BARD1: variants seen among roughly 807,000 people sequenced by gnomAD.
The protein encoded by BARD1 is BRCA1-associated RING domain protein 1.
Under a neutral mutation model 77.0 loss-of-function variants are expected in BARD1, and 73 were observed. The ratio of observed to expected loss-of-function variants is 0.95; its 90% CI spans 0.79 to 1.15. The LOEUF (loss-of-function observed/expected upper bound fraction) is 1.15. Ranked by LOEUF, BARD1 falls within the 50% of genes most tolerant of loss-of-function variation. The probability of loss-of-function intolerance (pLI) is 0.00; values close to 1 mark genes in which losing one functional copy is unlikely to be tolerated. For synonymous variants in BARD1, 384 were observed against 338.0 expected (o/e 1.14, Z -1.49); for missense variants, 993 against 938.8 (o/e 1.06, Z -0.75).
At chr2:214,806,756 TC>T (rs1696290781) in intron 1 of BARD1, among the ~76,000 whole-genome samples, 1 of 151,412 alleles carries the variant, frequency 6.6e-6, no homozygotes, top group South Asian at 2.1e-4. Flanking sequence ...CACCTGTAGT[TC>T]CAGCTACTCA....
intron 6 of BARD1, among the ~76,000 whole-genome samples, chr2:214,755,954 A>T (rs781141400): frequency 1.3e-5 from 2 of 152,232 alleles, no homozygotes; most frequent in Non-Finnish European, 2.9e-5. Context: ...CAGTATATTA[A>T]TATCTTTTAC....
rs1339444733 is a variant in BARD1 at position 214,727,391 on chromosome 2, C to T, written c.*1285G>A. 4.3e-6 allele frequency: 1 copy of T among 232,082 alleles called. No individual in the cohort carries two copies. The highest frequency in any genetic ancestry group is 6.1e-5 in the East Asian group (1 of 16,408). The allele number at this position is 232,082 out of a possible 1,614,324, so 14.4% of individuals were successfully genotyped here. ...CTGTCCTCTTTTGTTCATGAGGAAC[C>T]AAACTGGCAAGTCTCTCAGTGTCTC... On this transcript the variant is annotated 3_prime_UTR_variant, in exon 11 of 11. Transcript: ENST00000260947.
Position 214,808,189 on chromosome 2 carries a change from C to T in BARD1, c.158+1223G>A, listed in dbSNP as rs376097090. ...CTTTGGGAGGCAGAGGCGGGCGGATCACGAGGTCAGGAGACGGAGACCATC... is the reference window on the plus strand; with the variant it reads ...CTTTGGGAGGCAGAGGCGGGCGGATTACGAGGTCAGGAGACGGAGACCATC... On this transcript the variant is annotated intron_variant, in intron 1 of 10. Coordinates refer to ENST00000260947, the MANE Select transcript of BARD1 (RefSeq NM_000465.4). 2.9e-4 allele frequency among the ~76,000 whole-genome samples: 44 copies of T among 152,268 alleles called. No homozygotes were observed. The South Asian group carries it at 9.1e-3, about 32-fold the overall frequency.
chr2:214,770,506 G>A (rs748232156), intron 4 of BARD1, among the ~76,000 whole-genome samples: 7 of 152,132 alleles, frequency 4.6e-5, no homozygotes, highest in African/African-American at 9.7e-5. Flanking sequence ...AGCAAGATCC[G>A]GGGAATAAGT....
At chr2:214,803,227 T>C (rs1325454751) in intron 1 of BARD1, among the ~76,000 whole-genome samples, 1 of 151,678 alleles carries the variant, frequency 6.6e-6, no homozygotes, top group Non-Finnish European at 1.5e-5. Flanking sequence ...TTGTCCAAGG[T>C]TTCTCCCCAT....
intron 4 of BARD1, among the ~76,000 whole-genome samples, chr2:214,774,483 T>C (rs985068117): frequency 1.3e-5 from 2 of 152,222 alleles, no homozygotes; most frequent in Non-Finnish European, 2.9e-5. Flanking sequence ...CTTGGGTGAC[T>C]AGGTGGCACT....
chr2:214,733,883 A>G (rs1008587366), intron 9 of BARD1, among the ~76,000 whole-genome samples: 3 of 152,178 alleles, frequency 2.0e-5, no homozygotes, highest in Admixed American at 6.5e-5. Flanking sequence ...ACATTACGTA[A>G]ACTTCTGTTA....
intron 7 of BARD1, among the ~76,000 whole-genome samples, chr2:214,747,849 A>G (rs1199819302): frequency 6.6e-6 from 1 of 151,728 alleles, no homozygotes; most frequent in Non-Finnish European, 1.5e-5. Flanking sequence ...TAAAACTTAA[A>G]GTATAATAAT....
At chr2:214,772,049 T>C (rs1694522711) in intron 4 of BARD1, among the ~76,000 whole-genome samples, 2 of 151,990 alleles carry the variant, frequency 1.3e-5, no homozygotes, top group African/African-American at 4.8e-5. Context: ...TCACTGTAAC[T>C]TCAAGCTCCT....
At position 214,730,410 on chromosome 2, in the gene BARD1, C is replaced by G. The variant is rs768490891; in HGVS notation, c.2001+1G>C. The G allele has an allele frequency of 2.5e-6, 4 of 1,611,668 alleles. No homozygotes were observed. Among genetic ancestry groups the G allele is most frequent in the Non-Finnish European group, 2.5e-6 (3 of 1,177,916 alleles). On this transcript the variant is annotated splice_donor_variant, in intron 10 of 10. Coordinates refer to ENST00000260947, the MANE Select transcript of BARD1 (RefSeq NM_000465.4). LOFTEE classifies it high-confidence loss of function. ...TGAAAGTTGTATTAAAAGAAAAATA[C>G]CAGCTGTTCTCTGTTGAGCCTGCTT...
At chr2:214,801,456 T>A (rs1696015285) in intron 1 of BARD1, among the ~76,000 whole-genome samples, 1 of 152,122 alleles carries the variant, frequency 6.6e-6, no homozygotes, top group African/African-American at 2.4e-5. Flanking sequence ...TTATTTTAAT[T>A]CTTTTCACAC....
chr2:214,790,654 T>A (rs1361551963), intron 3 of BARD1, among the ~76,000 whole-genome samples: 1 of 152,156 alleles, frequency 6.6e-6, no homozygotes, highest in Admixed American at 6.5e-5. Context: ...AATGAATACA[T>A]TACTATACAG....
chr2:214,800,770 T>TA (rs1695981715), intron 1 of BARD1, among the ~76,000 whole-genome samples: 1 of 152,034 alleles, frequency 6.6e-6, no homozygotes, highest in Admixed American at 6.5e-5. Flanking sequence ...ATACTTTTTT[T>TA]AAAAAAAGGA....
At chr2:214,809,343 G>T (rs557842771) in intron 1 of BARD1, 69 bp downstream of exon 1, 2 of 1,592,688 alleles carry the variant, frequency 1.3e-6, no homozygotes, top group Non-Finnish European at 1.7e-6. Flanking sequence ...GATTTGAAAA[G>T]ATTCTGCCGC....
At chr2:214,787,073 T>C (rs1559431954) in intron 3 of BARD1, among the ~76,000 whole-genome samples, 1 of 151,684 alleles carries the variant, frequency 6.6e-6, no homozygotes, top group Non-Finnish European at 1.5e-5. Context: ...TGTATTTGAT[T>C]TTTTTTTAAT....
chr2:214,758,021 C>A (rs540230140), intron 6 of BARD1, among the ~76,000 whole-genome samples: 14 of 152,086 alleles, frequency 9.2e-5, no homozygotes, highest in Admixed American at 7.2e-4. Flanking sequence ...GAACTGTAAG[C>A]TATGGTCAGA....
Position 214,781,255 on chromosome 2 carries a change from T to C in BARD1, c.619A>G (p.Lys207Glu), listed in dbSNP as rs1156792714. 1.3e-6 allele frequency: 2 copies of C among 1,595,274 alleles called. No individual in the cohort carries two copies. The highest frequency in any genetic ancestry group is 2.3e-5 in the South Asian group (2 of 85,938). Residue 207 changes from lysine to glutamate, a missense_variant, in exon 4 of 11, where the codon AAA (lysine) becomes GAA (glutamate). Coordinates refer to ENST00000260947, the MANE Select transcript of BARD1 (RefSeq NM_000465.4). ...TTGATTTCAGCTAAAGTTTTCTTTT[T>C]TTGCTTTTTTCCAGATCTTGCAGAA... ...KASARSGKKQ[K>E]KKTLAEINQK...
At chr2:214,735,028 G>T (rs1448654028) in intron 9 of BARD1, among the ~76,000 whole-genome samples, 1 of 152,098 alleles carries the variant, frequency 6.6e-6, no homozygotes, top group East Asian at 1.9e-4. Flanking sequence ...TCCATCAACT[G>T]ATCAATACTT....
chr2:214,742,951 A>G (rs556730496), intron 9 of BARD1, among the ~76,000 whole-genome samples: 8 of 152,332 alleles, frequency 5.3e-5, no homozygotes, highest in African/African-American at 1.9e-4. Flanking sequence ...TTTTAAATGA[A>G]TTTTTTAAAC....
Sources: allele counts gnomAD v4.1 joint callset (sites outside exome capture counted in the v4.1 genomes callset), GRCh38; gene constraint gnomAD v4.1.1; transcripts MANE v1.5; gene names NCBI Gene and HGNC (gene_info 2026-07-23, HGNC 2026-07-21).